The following SNX5 variants were observed in gnomAD, a reference collection of about 807,000 sequenced individuals.
SNX5 encodes sorting nexin-5.
A neutral mutation model predicts 53.9 loss-of-function variants in SNX5; 31 were observed. That is an observed-to-expected ratio of 0.58 (90% confidence interval 0.43 to 0.78). The LOEUF (loss-of-function observed/expected upper bound fraction) is 0.78, where lower values mean the gene tolerates loss of function less well. Ranked by LOEUF, SNX5 falls within the 30% of genes least tolerant of loss-of-function variation. SNX5 has a pLI of 0.00. For missense variants in SNX5, 471 were observed against 478.8 expected (o/e 0.98, Z 0.15); for synonymous variants, 168 against 171.1 (o/e 0.98, Z 0.14).
intron 8 of SNX5, 127 bp from the exon 9 acceptor site, chr20:17,949,230 A>C (rs894269489): frequency 5.3e-6 from 4 of 749,120 alleles, no homozygotes; most frequent in Non-Finnish European, 9.0e-6. Flanking sequence ...CATTAATTTA[A>C]AAGTAGTGCT....
intron 7 of SNX5, 37 bp from the exon 8 acceptor site, chr20:17,950,244 A>T: frequency 1.2e-6 from 2 of 1,612,932 alleles, no homozygotes; most frequent in Non-Finnish European, 1.7e-6. Context: ...ATCCAAACAC[A>T]GCCAGGCTCA....
At chr20:17,947,249 A>C in intron 11 of SNX5, 1 of 469,094 alleles carries the variant, frequency 2.1e-6, no homozygotes, top group Non-Finnish European at 3.8e-6. Context: ...TTTAGGGCTA[A>C]AAGAAGCATG....
chr20:17,958,156 G>A, intron 1 of SNX5, among the ~76,000 whole-genome samples: 1 of 152,214 alleles, frequency 6.6e-6, no homozygotes, highest in Non-Finnish European at 1.5e-5. Flanking sequence ...GGAACTCATA[G>A]CGTAAGCATC....
chr20:17,955,394 T>C lies in SNX5; in HGVS notation c.238A>G (p.Ile80Val). The change falls in exon 3 of 13, where the codon ATT (isoleucine) becomes GTT (valine). Residue 80 changes from isoleucine (I) to valine (V), a missense_variant. Transcript: ENST00000377759. ...AGCCCAGCATAGTCTGTTGTTTCAA[T>C]AAGAGTGTCATGTAGCCACACAAAG... ...EDFVWLHDTLIETTDYAGLII... is the reference protein window; with the variant it reads ...EDFVWLHDTLVETTDYAGLII... 3 of 1,613,754 alleles carry C rather than the reference T, an allele frequency of 1.9e-6. No homozygotes were observed. The highest frequency in any genetic ancestry group is 1.7e-6 in the Non-Finnish European group (2 of 1,179,658).
chr20:17,968,075 G>A (rs940553451), intron 1 of SNX5: 2 of 398,572 alleles, frequency 5.0e-6, no homozygotes, highest in African/African-American at 2.1e-5. Context: ...GTTTTAAAAA[G>A]AACATTCCGG....
chr20:17,950,948 C>T (rs1011340555), intron 6 of SNX5: 2 of 157,980 alleles, frequency 1.3e-5, no homozygotes, highest in African/African-American at 4.8e-5. Flanking sequence ...AGCCAGATAC[C>T]AGACAGTAAT....
intron 8 of SNX5, 87 bp downstream of exon 8, chr20:17,950,045 T>C: frequency 1.8e-6 from 2 of 1,107,068 alleles, no homozygotes; most frequent in South Asian, 1.3e-5. Context: ...AGCAGGACCA[T>C]GTAGTCACTA....
At chr20:17,958,004 A>G (rs1202286989) in intron 1 of SNX5, among the ~76,000 whole-genome samples, 1 of 53,048 alleles carries the variant, frequency 1.9e-5, no homozygotes, top group Non-Finnish European at 3.5e-5. Flanking sequence ...CTGCCCGTCA[A>G]AAAAAAAAAA....
At chr20:17,961,080 A>G in intron 1 of SNX5, 1 of 951,050 alleles carries the variant, frequency 1.1e-6, no homozygotes, top group Non-Finnish European at 1.3e-6. Context: ...TTGGTAAGAG[A>G]GCCAAGGCAC....
chr20:17,947,680 A>T, intron 10 of SNX5, 35 bp from the exon 11 acceptor site: 1 of 1,557,072 alleles, frequency 6.4e-7, no homozygotes, highest in Non-Finnish European at 8.7e-7. Flanking sequence ...CATACTAAGT[A>T]TCTAAACCAG....
intron 4 of SNX5, among the ~76,000 whole-genome samples, chr20:17,952,959 T>C (rs2039591094): frequency 6.6e-6 from 1 of 152,268 alleles, no homozygotes; most frequent in African/African-American, 2.4e-5. Flanking sequence ...CATGAGCTCC[T>C]AAATCTACAT....
At chr20:17,949,180 G>T in intron 8 of SNX5, 77 bp from the exon 9 acceptor site, 1 of 1,245,390 alleles carries the variant, frequency 8.0e-7, no homozygotes, top group Non-Finnish European at 1.2e-6. Flanking sequence ...TGCAAGACAG[G>T]AATGGGTCAA....
At chr20:17,959,856 T>C (rs1481125100) in intron 1 of SNX5, among the ~76,000 whole-genome samples, 1 of 152,066 alleles carries the variant, frequency 6.6e-6, no homozygotes, top group East Asian at 1.9e-4. Context: ...GCTACAGAAC[T>C]TGCTAAATAA....
chr20:17,957,033 C>A lies in SNX5; in HGVS notation c.56G>T (p.Arg19Ile). 6.3e-7 allele frequency: 1 copy of A among 1,575,490 alleles called. No individual in the cohort carries two copies. Among genetic ancestry groups the A allele is most frequent in the Non-Finnish European group, 8.7e-7 (1 of 1,144,712 alleles). Residue 19 changes from arginine (R) to isoleucine (I), a missense_variant, in exon 2 of 13, where the codon AGA becomes ATA. Arg to Ile is a moderately conservative substitution (Grantham distance 97). Coordinates refer to ENST00000377759, the MANE Select transcript of SNX5 (RefSeq NM_014426.4). ...QQQEEDRSKL[R>I]SVSVDLNVDP... ...AACATTCAGGTCCACAGATACAGATCTCAGCTGAAATACATTTTTTGCGTA... is the reference window on the plus strand; with the variant it reads ...AACATTCAGGTCCACAGATACAGATATCAGCTGAAATACATTTTTTGCGTA...
At chr20:17,950,078 C>T in intron 8 of SNX5, 54 bp downstream of exon 8, 1 of 1,484,832 alleles carries the variant, frequency 6.7e-7, no homozygotes, top group South Asian at 1.1e-5. Flanking sequence ...TTTAATTACA[C>T]CACTCGGCAC....
intron 11 of SNX5, chr20:17,945,662 C>T (rs746196942): frequency 3.3e-5 from 5 of 151,132 alleles, no homozygotes; most frequent in African/African-American, 4.9e-5. Context: ...AACAGGGTAG[C>T]ATGAAGGTTA....
intron 1 of SNX5, among the ~76,000 whole-genome samples, chr20:17,966,037 T>C (rs1302467328): frequency 1.3e-5 from 2 of 152,092 alleles, no homozygotes; most frequent in Non-Finnish European, 2.9e-5. Context: ...CAGTACTTAG[T>C]CTACAAACAC....
At chr20:17,945,941 G>A (rs767159369) in intron 11 of SNX5, among the ~76,000 whole-genome samples, 16 of 152,194 alleles carry the variant, frequency 1.1e-4, no homozygotes, top group African/African-American at 2.9e-4. Context: ...ATGGAAACAC[G>A]CGTTAGGGGG....
chr20:17,956,813 T>C lies in SNX5; in HGVS notation c.156+120A>G, dbSNP rs2035369171. On this transcript the variant is annotated intron_variant, in intron 2 of 12. Transcript: ENST00000377759. ...TGAGATAGATTAGGGAGGTTCTCAC[T>C]TAATAGTGCTACCCTACGAATAGCA... 12 of 639,780 alleles carry C rather than the reference T, an allele frequency of 1.9e-5. No individual in the cohort carries two copies. In the East Asian group the frequency reaches 3.3e-4, roughly 18 times the overall value. The allele number at this position is 639,780 out of a possible 1,614,324, so 39.6% of individuals were successfully genotyped here. A position where few individuals can be genotyped will look rare whatever the true frequency, so the allele number is the denominator to read the frequency against.
Sources: gnomAD v4.1 joint callset for allele counts (sites outside exome capture counted in the v4.1 genomes callset) on GRCh38, gnomAD v4.1.1 for gene constraint, MANE v1.5 for transcripts, NCBI Gene and HGNC (gene_info 2026-07-23, HGNC 2026-07-21) for gene names.